The following NEBL variants were observed in gnomAD, a reference collection of about 807,000 sequenced individuals.
NEBL encodes the protein LIM and SH3 protein 2.
Under a neutral mutation model 140.2 loss-of-function variants are expected in NEBL, and 122 were observed. The observed-to-expected ratio is 0.87, with a 90% CI of 0.75 to 1.01. NEBL has a LOEUF of 1.01. Among genes scored for constraint, NEBL ranks in the 50% least tolerant of loss-of-function variants. The pLI is 0.00. For synonymous variants in NEBL, 436 were observed against 398.9 expected, an observed-to-expected ratio of 1.09 and a Z score of -1.11; for missense variants, 1,365 against 1,231.3, an observed-to-expected ratio of 1.11 and a Z score of -1.62.
At chr10:21,233,644 C>CT (rs1842296887) in intron 3 of NEBL, among the ~76,000 whole-genome samples, 1 of 141,198 alleles carries the variant, frequency 7.1e-6, no homozygotes, top group African/African-American at 2.6e-5. Flanking sequence ...AGAGACTTAT[C>CT]TATATATACA....
At chr10:21,175,937 T>C (rs1331080692), upstream of NEBL, among the ~76,000 whole-genome samples, 1 of 152,248 alleles carries the variant, frequency 6.6e-6, no homozygotes, top group Admixed American at 6.5e-5. Context: ...ATGTTGGTGA[T>C]ATGTGACATT....
chr10:21,042,582 T>C (rs1039127202), intron 2 of NEBL, among the ~76,000 whole-genome samples: 1 of 152,256 alleles, frequency 6.6e-6, no homozygotes, highest in Non-Finnish European at 1.5e-5. Context: ...GAAAATGCCA[T>C]CAGGATGTGC....
intron 3 of NEBL, among the ~76,000 whole-genome samples, chr10:20,990,661 T>C (rs1306652611): frequency 6.6e-6 from 1 of 152,198 alleles, no homozygotes; most frequent in Non-Finnish European, 1.5e-5. Context: ...CAAAGATATC[T>C]CAGAGAACCA....
At chr10:21,186,159 T>C (rs1391188838) in intron 3 of NEBL, among the ~76,000 whole-genome samples, 4 of 152,094 alleles carry the variant, frequency 2.6e-5, no homozygotes, top group African/African-American at 9.7e-5. Flanking sequence ...CTTTAAAAAA[T>C]GTGTTTTTAT....
intron 2 of NEBL, among the ~76,000 whole-genome samples, chr10:21,250,048 G>A (rs1331748649): frequency 6.6e-6 from 1 of 152,140 alleles, no homozygotes; most frequent in Middle Eastern, 3.4e-3. Flanking sequence ...TGGTGACAGA[G>A]CAAAACTCCG....
intron 3 of NEBL, among the ~76,000 whole-genome samples, chr10:20,996,086 T>C (rs981740913): frequency 2.6e-5 from 4 of 152,104 alleles, no homozygotes; most frequent in African/African-American, 9.7e-5. Flanking sequence ...ACTCAGGCAA[T>C]ACTAATGGGG....
intron 9 of NEBL, 67 bp downstream of exon 9, chr10:20,858,173 C>T (rs932151625): frequency 3.3e-5 from 41 of 1,246,922 alleles, no homozygotes; most frequent in Non-Finnish European, 4.2e-5. Context: ...AGCACATGAA[C>T]GCTGCAGACA....
Position 21,152,285 on chromosome 10 carries a change from C to T in NEBL, c.164+20098G>A, listed in dbSNP as rs182805388. Among the ~76,000 whole-genome samples the T allele has an allele frequency of 3.9e-5, 6 of 152,236 alleles. No individual in the cohort carries two copies. The East Asian group carries it at 1.2e-3, about 29-fold the overall frequency. ...CATCAACGAATCTCATAGATTGGAC[C>T]CCAAGGACAGTGACGCCAGTGTAAT... On this transcript the variant is annotated intron_variant, in intron 2 of 6. Coordinates refer to the NEBL transcript ENST00000417816.
At chr10:20,980,051 CA>C (rs61096067) in intron 3 of NEBL, among the ~76,000 whole-genome samples, 483 of 121,362 alleles carry the variant, frequency 4.0e-3, no homozygotes, top group East Asian at 0.017. Context: ...CTCATTTCCA[CA>C]AAAAAAAAAA....
intron 2 of NEBL, among the ~76,000 whole-genome samples, chr10:21,131,706 G>A (rs1839116640): frequency 8.1e-6 from 1 of 123,784 alleles, no homozygotes; most frequent in African/African-American, 2.9e-5. Flanking sequence ...GATTGAAACA[G>A]AAGCAGCATC....
intron 4 of NEBL, among the ~76,000 whole-genome samples, chr10:20,955,400 G>C (rs1937575051): frequency 6.6e-6 from 1 of 152,220 alleles, no homozygotes; most frequent in Non-Finnish European, 1.5e-5. Flanking sequence ...AGCTGGGTTT[G>C]AGTGTGTGTC....
At chr10:20,888,786 A>G (rs894687082) in intron 3 of NEBL, among the ~76,000 whole-genome samples, 4 of 152,226 alleles carry the variant, frequency 2.6e-5, no homozygotes, top group Admixed American at 6.5e-5. Context: ...CTCACTTCCA[A>G]TATTTTGCTC....
chr10:21,203,542 A>G (rs190193081), intron 3 of NEBL, among the ~76,000 whole-genome samples: 1 of 152,318 alleles, frequency 6.6e-6, no homozygotes, highest in East Asian at 1.9e-4. Context: ...CAAATGCTTT[A>G]TTACTCCCTC....
At chr10:21,199,540 G>C (rs1225804114) in intron 3 of NEBL, among the ~76,000 whole-genome samples, 1 of 152,186 alleles carries the variant, frequency 6.6e-6, no homozygotes, top group Non-Finnish European at 1.5e-5. Flanking sequence ...AAACTAGATA[G>C]TACACAGTCA....
chr10:20,950,717 G>T (rs1024464193), intron 4 of NEBL, among the ~76,000 whole-genome samples: 2 of 152,124 alleles, frequency 1.3e-5, no homozygotes, highest in Non-Finnish European at 2.9e-5. Context: ...ATTTAAACAT[G>T]ATCAAGAAAT....
intron 2 of NEBL, among the ~76,000 whole-genome samples, chr10:21,099,127 T>C (rs1199090427): frequency 6.6e-6 from 1 of 152,220 alleles, no homozygotes; most frequent in Non-Finnish European, 1.5e-5. Flanking sequence ...AGAAAGACCC[T>C]GTCTCTAAAA....
At chr10:21,108,123 T>A (rs1837806971) in intron 2 of NEBL, among the ~76,000 whole-genome samples, 1 of 152,210 alleles carries the variant, frequency 6.6e-6, no homozygotes, top group Non-Finnish European at 1.5e-5. Flanking sequence ...GCTCCTGGAT[T>A]CAATGATTTT....
At chr10:20,892,124 A>G (rs1847085149) in intron 2 of NEBL, among the ~76,000 whole-genome samples, 1 of 152,258 alleles carries the variant, frequency 6.6e-6, no homozygotes, top group Non-Finnish European at 1.5e-5. Context: ...AAAAGAGCCC[A>G]GATGGATTAA....
chr10:21,193,067 T>C (rs575214555), intron 3 of NEBL, among the ~76,000 whole-genome samples: 1 of 152,262 alleles, frequency 6.6e-6, no homozygotes, highest in African/African-American at 2.4e-5. Context: ...AACAGAGCAC[T>C]GCAGACAGAG....
Sources: gnomAD v4.1 joint callset for allele counts (sites outside exome capture counted in the v4.1 genomes callset) on GRCh38, gnomAD v4.1.1 for gene constraint, MANE v1.5 for transcripts, NCBI Gene and HGNC (gene_info 2026-07-23, HGNC 2026-07-21) for gene names.